Variants in LHFPL7 observed in about 807,000 individuals in gnomAD.
LHFPL7 encodes the protein LHFPL tetraspan subfamily member 7 protein.
chr22:24,935,131 C>A, the LHFPL7 span: 2 of 633,532 alleles, frequency 3.2e-6, no homozygotes, highest in South Asian at 4.1e-5. Flanking sequence ...CACAGAGCAT[C>A]TCCAGTGAAT....
At chr22:24,944,315 G>A in the LHFPL7 span, among the ~76,000 whole-genome samples, 12 of 152,202 alleles carry the variant, frequency 7.9e-5, no homozygotes, top group East Asian at 3.9e-4. Flanking sequence ...AAAATGAAGC[G>A]TTGGAGGGAG....
At chr22:24,935,727 T>A in the LHFPL7 span, 1 of 1,226,646 alleles carries the variant, frequency 8.2e-7, no homozygotes. Flanking sequence ...TGCTTATTTA[T>A]TGGCTCATCT....
chr22:24,938,498 A>G, the LHFPL7 span, among the ~76,000 whole-genome samples: 1 of 152,244 alleles, frequency 6.6e-6, no homozygotes, highest in East Asian at 1.9e-4. Context: ...ACATAAAAAG[A>G]AACTGTCCAA....
the LHFPL7 span, among the ~76,000 whole-genome samples, chr22:24,941,161 A>G: frequency 6.6e-6 from 1 of 151,134 alleles, no homozygotes; most frequent in Admixed American, 6.6e-5. Flanking sequence ...ATTGCTGCAG[A>G]TGGTATTATC....
At chr22:24,941,610 T>C in the LHFPL7 span, among the ~76,000 whole-genome samples, 1 of 151,750 alleles carries the variant, frequency 6.6e-6, no homozygotes, top group Non-Finnish European at 1.5e-5. Flanking sequence ...TTGTTTTTTT[T>C]TTTTTTTTTG....
At chr22:24,936,822 C>G in the LHFPL7 span, among the ~76,000 whole-genome samples, 1 of 152,168 alleles carries the variant, frequency 6.6e-6, no homozygotes, top group Non-Finnish European at 1.5e-5. Flanking sequence ...CATCCATGCA[C>G]TGGGTCAGGT....
At chr22:24,936,325 C>T in the LHFPL7 span, among the ~76,000 whole-genome samples, 1 of 152,084 alleles carries the variant, frequency 6.6e-6, no homozygotes, top group African/African-American at 2.4e-5. Context: ...TCCATTCTAT[C>T]AATTTTTCCT....
At chr22:24,943,273 G>C in the LHFPL7 span, among the ~76,000 whole-genome samples, 117 of 152,284 alleles carry the variant, frequency 7.7e-4, no homozygotes, top group African/African-American at 2.7e-3. Flanking sequence ...CTTGAAAGGA[G>C]TTTTGTTCTC....
the LHFPL7 span, among the ~76,000 whole-genome samples, chr22:24,936,644 C>G: frequency 1.3e-5 from 2 of 152,208 alleles, no homozygotes; most frequent in Non-Finnish European, 2.9e-5. Context: ...TGTCTACTTT[C>G]AGTTCCCTGC....
chr22:24,936,343 C>T, the LHFPL7 span, among the ~76,000 whole-genome samples: 2 of 152,110 alleles, frequency 1.3e-5, no homozygotes, highest in African/African-American at 4.8e-5. Context: ...CCTATCCTTG[C>T]ATCCATCCAT....
the LHFPL7 span, among the ~76,000 whole-genome samples, chr22:24,944,346 T>C: frequency 6.6e-6 from 1 of 151,958 alleles, no homozygotes; most frequent in African/African-American, 2.4e-5. Flanking sequence ...ATTGGGTAAT[T>C]GGGGGATAGT....
the LHFPL7 span, among the ~76,000 whole-genome samples, chr22:24,937,961 C>A: frequency 2.0e-5 from 3 of 152,158 alleles, no homozygotes; most frequent in African/African-American, 7.2e-5. Flanking sequence ...ACTAAGGATG[C>A]CATCTCTCCC....
At chr22:24,938,999 C>T in the LHFPL7 span, among the ~76,000 whole-genome samples, 1 of 152,168 alleles carries the variant, frequency 6.6e-6, no homozygotes, top group Non-Finnish European at 1.5e-5. Flanking sequence ...CTAATTTGCA[C>T]GAAGGTGCTA....
the LHFPL7 span, among the ~76,000 whole-genome samples, chr22:24,940,478 C>T: frequency 6.6e-6 from 1 of 151,200 alleles, no homozygotes; most frequent in Non-Finnish European, 1.5e-5. Flanking sequence ...CGCCTGTAGT[C>T]CCAGCTACTT....
At chr22:24,941,772 C>T in the LHFPL7 span, among the ~76,000 whole-genome samples, 1,007 of 151,246 alleles carry the variant, frequency 6.7e-3, 11 homozygotes, top group African/African-American at 0.023. Context: ...CTGGTTCAAG[C>T]GATTCTCCTG....
the LHFPL7 span, among the ~76,000 whole-genome samples, chr22:24,940,532 C>T: frequency 1.3e-5 from 2 of 151,126 alleles, no homozygotes; most frequent in Non-Finnish European, 3.0e-5. Flanking sequence ...GGAGGCGGAG[C>T]TTGCAGTGAG....
At chr22:24,942,618 C>G in the LHFPL7 span, among the ~76,000 whole-genome samples, 3 of 152,224 alleles carry the variant, frequency 2.0e-5, no homozygotes, top group East Asian at 3.9e-4. Context: ...GGCCAACCAA[C>G]CACTCCACCA....
At chr22:24,942,020 G>A in the LHFPL7 span, among the ~76,000 whole-genome samples, 11 of 142,486 alleles carry the variant, frequency 7.7e-5, no homozygotes, top group African/African-American at 3.0e-4. Context: ...TATTGAGATG[G>A]AGTCTCACTC....
chr22:24,945,905 G>A, the LHFPL7 span, among the ~76,000 whole-genome samples: 2 of 152,346 alleles, frequency 1.3e-5, no homozygotes, highest in African/African-American at 4.8e-5. Flanking sequence ...GATTGGCTGT[G>A]CCACCTAGGA....
Sources: allele counts gnomAD v4.1 joint callset (sites outside exome capture counted in the v4.1 genomes callset), GRCh38; gene constraint gnomAD v4.1.1; transcripts MANE v1.5; gene names NCBI Gene and HGNC (gene_info 2026-07-23, HGNC 2026-07-21).